CNTNAP2: variants seen among roughly 807,000 people sequenced by gnomAD.
CNTNAP2 encodes the protein contactin associated protein 2.
A neutral mutation model predicts 155.2 loss-of-function variants in CNTNAP2; 98 were observed. That is an observed-to-expected ratio of 0.63 (90% CI 0.54 to 0.75). The LOEUF is 0.75. CNTNAP2 is among the 30% of genes least tolerant of loss of function. The probability of loss-of-function intolerance (pLI) is 0.00; values close to 1 mark genes in which losing one functional copy is unlikely to be tolerated. For synonymous variants in CNTNAP2, 651 were observed against 631.2 expected (o/e 1.03, Z -0.47); for missense variants, 1,727 against 1,688.1 (o/e 1.02, Z -0.40).
chr7:146,513,404 GT>G (rs1797496352), intron 1 of CNTNAP2, among the ~76,000 whole-genome samples: 1 of 151,478 alleles, frequency 6.6e-6, no homozygotes, highest in Non-Finnish European at 1.5e-5. Flanking sequence ...TTCCGTTTGG[GT>G]TTAGTAATTT....
At chr7:147,954,139 T>A (rs1800982040) in intron 14 of CNTNAP2, among the ~76,000 whole-genome samples, 1 of 152,106 alleles carries the variant, frequency 6.6e-6, no homozygotes, top group African/African-American at 2.4e-5. Flanking sequence ...GGGAGAAAAG[T>A]GCTTGTCCAG....
chr7:146,612,862 C>T (rs1247647767), intron 1 of CNTNAP2, among the ~76,000 whole-genome samples: 2 of 150,350 alleles, frequency 1.3e-5, no homozygotes, highest in Admixed American at 1.3e-4. Flanking sequence ...TTAAAAACTA[C>T]TATATGATCT....
intron 1 of CNTNAP2, among the ~76,000 whole-genome samples, chr7:146,441,543 A>G (rs187047075): frequency 6.6e-6 from 1 of 151,536 alleles, no homozygotes; most frequent in African/African-American, 2.4e-5. Flanking sequence ...GTTTCCATCC[A>G]TGGATGTCAG....
chr7:146,168,929 C>T (rs904348201), intron 1 of CNTNAP2, among the ~76,000 whole-genome samples: 1 of 152,100 alleles, frequency 6.6e-6, no homozygotes, highest in African/African-American at 2.4e-5. Flanking sequence ...TACATTACCT[C>T]TTCCCTCATA....
intron 4 of CNTNAP2, among the ~76,000 whole-genome samples, chr7:147,093,575 A>G (rs1358418075): frequency 3.3e-5 from 5 of 152,256 alleles, no homozygotes; most frequent in South Asian, 4.1e-4. Context: ...GCCTCTGGTC[A>G]CTACAGTTTT....
At chr7:148,362,197 C>T (rs1798636045) in intron 21 of CNTNAP2, among the ~76,000 whole-genome samples, 1 of 76,714 alleles carries the variant, frequency 1.3e-5, no homozygotes, top group Non-Finnish European at 3.4e-5. Flanking sequence ...GAGACTCCAT[C>T]TAAAAAAAAA....
At chr7:146,206,260 A>G (rs1798944891) in intron 1 of CNTNAP2, among the ~76,000 whole-genome samples, 1 of 151,940 alleles carries the variant, frequency 6.6e-6, no homozygotes, top group Admixed American at 6.6e-5. Flanking sequence ...AAATTGTAAT[A>G]ATTAATCATT....
intron 8 of CNTNAP2, among the ~76,000 whole-genome samples, chr7:147,163,032 A>G (rs1802057940): frequency 6.6e-6 from 1 of 152,090 alleles, no homozygotes; most frequent in Non-Finnish European, 1.5e-5. Context: ...CAAATCTCAC[A>G]AGTGTGAGCC....
At chr7:147,501,648 G>C (rs930401773) in intron 11 of CNTNAP2, among the ~76,000 whole-genome samples, 6 of 152,284 alleles carry the variant, frequency 3.9e-5, no homozygotes, top group African/African-American at 1.4e-4. Context: ...AGATGATTTT[G>C]CCCAACTATA....
intron 8 of CNTNAP2, among the ~76,000 whole-genome samples, chr7:147,225,566 A>G (rs1434687279): frequency 2.0e-5 from 3 of 152,144 alleles, no homozygotes; most frequent in Non-Finnish European, 4.4e-5. Context: ...TGCTGCCAGT[A>G]ATGTCATCAA....
intron 1 of CNTNAP2, among the ~76,000 whole-genome samples, chr7:146,363,916 C>A (rs150409738): frequency 2.6e-4 from 40 of 152,176 alleles, no homozygotes; most frequent in African/African-American, 9.6e-4. Flanking sequence ...TGTAGACCTT[C>A]TTGAAGGGAC....
At chr7:146,816,676 A>G (rs765794786) in intron 2 of CNTNAP2, among the ~76,000 whole-genome samples, 2 of 152,184 alleles carry the variant, frequency 1.3e-5, no homozygotes, top group Non-Finnish European at 2.9e-5. Context: ...AAACAGTAGG[A>G]TAGACTGCTT....
intron 22 of CNTNAP2, among the ~76,000 whole-genome samples, chr7:148,396,320 T>A (rs1278626776): frequency 2.0e-5 from 3 of 152,192 alleles, no homozygotes; most frequent in Non-Finnish European, 4.4e-5. Flanking sequence ...GATCCCCCAT[T>A]CAGATGCTTC....
At chr7:146,498,606 A>T (rs969519862) in intron 1 of CNTNAP2, among the ~76,000 whole-genome samples, 1 of 152,000 alleles carries the variant, frequency 6.6e-6, no homozygotes, top group African/African-American at 2.4e-5. Context: ...AGCATTTTAG[A>T]TTGACTTTTT....
intron 1 of CNTNAP2, among the ~76,000 whole-genome samples, chr7:146,307,614 A>G (rs929780772): frequency 1.3e-5 from 2 of 152,188 alleles, no homozygotes; most frequent in Non-Finnish European, 2.9e-5. Context: ...ACAGCATGGT[A>G]CTGGTACCAA....
At chr7:148,181,550 G>A (rs1160702302) in intron 18 of CNTNAP2, among the ~76,000 whole-genome samples, 3 of 152,034 alleles carry the variant, frequency 2.0e-5, no homozygotes, top group African/African-American at 7.2e-5. Context: ...ATTCCCCCTA[G>A]CCTGAGGTTC....
chr7:147,979,149 C>T (rs933098968), intron 15 of CNTNAP2, among the ~76,000 whole-genome samples: 2 of 152,192 alleles, frequency 1.3e-5, no homozygotes, highest in African/African-American at 4.8e-5. Flanking sequence ...TGCCATGTTC[C>T]TAATACAAAA....
intron 12 of CNTNAP2, among the ~76,000 whole-genome samples, chr7:147,588,952 T>C (rs1015418297): frequency 3.3e-5 from 5 of 152,202 alleles, no homozygotes; most frequent in African/African-American, 1.2e-4. Context: ...CTCTGCATTA[T>C]AAGGGTATAT....
chr7:146,306,793 A>G (rs1162524532), intron 1 of CNTNAP2, among the ~76,000 whole-genome samples: 1 of 152,204 alleles, frequency 6.6e-6, no homozygotes, highest in Non-Finnish European at 1.5e-5. Context: ...CCTTCATGCT[A>G]AAAGCTCTCA....
Sources: gnomAD v4.1 joint callset for allele counts (sites outside exome capture counted in the v4.1 genomes callset) on GRCh38, gnomAD v4.1.1 for gene constraint, MANE v1.5 for transcripts, NCBI Gene and HGNC (gene_info 2026-07-23, HGNC 2026-07-21) for gene names.